The following PKLR variants were observed in gnomAD, a reference collection of about 807,000 sequenced individuals.
PKLR encodes pyruvate kinase L/R.
PKLR carries 38 observed loss-of-function variants against 53.6 expected under a neutral mutation model. That is an observed-to-expected ratio of 0.71 (90% confidence interval 0.55 to 0.93). The LOEUF (loss-of-function observed/expected upper bound fraction) is 0.93. PKLR is among the 40% of genes least tolerant of loss of function. The pLI, the probability that PKLR is intolerant of heterozygous loss-of-function variation, is 0.00. For synonymous variants in PKLR, 328 were observed against 316.2 expected (o/e 1.04, Z -0.39); for missense variants, 702 against 787.3 (o/e 0.89, Z 1.30).
chr1:155,308,266 A>C, the PKLR span, among the ~76,000 whole-genome samples: 1 of 150,276 alleles, frequency 6.7e-6, no homozygotes, highest in African/African-American at 2.5e-5. Context: ...ACGGGGTTTC[A>C]CCACATTGGT....
At chr1:155,296,504 G>A (rs571929188) in intron 2 of PKLR, among the ~76,000 whole-genome samples, 1 of 151,982 alleles carries the variant, frequency 6.6e-6, no homozygotes, top group East Asian at 1.9e-4. Context: ...CACCACGCCT[G>A]GCTAATTTTT....
At chr1:155,301,076 G>T in intron 1 of PKLR, 2 of 1,510,232 alleles carry the variant, frequency 1.3e-6, no homozygotes, top group Non-Finnish European at 1.8e-6. Context: ...GGAGTGCCCC[G>T]TGGCTTACAT....
rs1647305807 is a variant in PKLR at position 155,293,085 on chromosome 1, C to T, written c.1436+92G>A. 1.5e-6 allele frequency: 2 copies of T among 1,322,866 alleles called. No homozygotes were observed. The highest frequency in any genetic ancestry group is 1.1e-6 in the Non-Finnish European group (1 of 915,174). The allele number at this position is 1,322,866 out of a possible 1,614,324, so 81.9% of individuals were successfully genotyped here. ...CTTGTCTCAGGTGGACACTCTTCAC[C>T]CCTGGTGACCAGACTAAACCCAAGC... On this transcript the variant is annotated intron_variant, in intron 9 of 10. Transcript: ENST00000342741. This position sits in a 1 kb window ranked among gnomAD's most constrained non-coding sequence, Gnocchi z 4.2.
In PKLR at chr1:155,293,131, C is replaced by G. The variant is rs373417890; in HGVS notation, c.1436+46G>C. The G allele has an allele frequency of 6.3e-7, 1 of 1,577,456 alleles. No homozygotes were observed. Among genetic ancestry groups the G allele is most frequent in the Non-Finnish European group, 8.7e-7 (1 of 1,146,818 alleles). On this transcript the variant is annotated intron_variant, in intron 9 of 10. Transcript: ENST00000342741. This position sits in a 1 kb window ranked among gnomAD's most constrained non-coding sequence, Gnocchi z 4.2. ...CAAGCCTGGGGCCCGTCCCAGCCCA[C>G]CCCTGACCCAAAGCTCCATCTGGAC...
chr1:155,307,784 C>G, the PKLR span, among the ~76,000 whole-genome samples: 3 of 152,148 alleles, frequency 2.0e-5, no homozygotes, highest in African/African-American at 7.2e-5. Flanking sequence ...CGAGACCAGG[C>G]TGGCCAATCT....
the PKLR span, chr1:155,308,515 TA>T: frequency 1.0e-6 from 1 of 974,834 alleles, no homozygotes; most frequent in Non-Finnish European, 1.2e-6. Flanking sequence ...GTTAGAGAAC[TA>T]ATAAGTGAGA....
chr1:155,308,623 C>A, the PKLR span: 8 of 985,292 alleles, frequency 8.1e-6, no homozygotes, highest in African/African-American at 1.4e-4. Flanking sequence ...ACAGCGGGGA[C>A]GTTCCCAGCC....
In PKLR at chr1:155,290,668, A is replaced by T. The variant is rs766970429; in HGVS notation, c.1629T>A (p.Arg543=). 1.2e-6 allele frequency: 2 copies of T among 1,609,612 alleles called. No homozygotes were observed. The highest frequency in any genetic ancestry group is 1.7e-6 in the Non-Finnish European group (2 of 1,176,016). Residue 543 remains arginine (R), a synonymous_variant, in exon 11 of 11, where the codon CGT becomes CGA. Coordinates refer to ENST00000342741, the MANE Select transcript of PKLR (RefSeq NM_000298.6). Reference sequence around the variant, plus strand: ...CCAGGTCTCCAACACGGAGGAAGCCACGGAGCTTTCCTGGGGGAGGGAAAG... The same window carrying T: ...CCAGGTCTCCAACACGGAGGAAGCCTCGGAGCTTTCCTGGGGGAGGGAAAG... ...VQFGIESGKL[R]GFLRVGDLVI...
chr1:155,300,958 A>G lies in PKLR; in HGVS notation c.100+338T>C, dbSNP rs757391113. 10 of 1,580,884 alleles carry G rather than the reference A, an allele frequency of 6.3e-6. No individual in the cohort carries two copies. The East Asian group carries it at 1.6e-4, about 26-fold the overall frequency. On this transcript the variant is annotated intron_variant, in intron 1 of 10. Transcript: ENST00000342741. Reference sequence around the variant, plus strand: ...ACACTGTTGGGTTGTCAGAGGCATGAGGCCCAGCTGGGCTGGGGATCAGTT... The same window carrying G: ...ACACTGTTGGGTTGTCAGAGGCATGGGGCCCAGCTGGGCTGGGGATCAGTT...
intron 2 of PKLR, among the ~76,000 whole-genome samples, chr1:155,296,565 G>A (rs543055324): frequency 9.9e-5 from 15 of 152,086 alleles, no homozygotes; most frequent in Middle Eastern, 3.4e-3. Context: ...GGTTGGTCTT[G>A]AACTCTTGAC....
intron 2 of PKLR, among the ~76,000 whole-genome samples, chr1:155,297,878 ATGGCTAATT>A (rs1422216575): frequency 1.3e-5 from 2 of 152,166 alleles, no homozygotes; most frequent in East Asian, 3.9e-4. Flanking sequence ...AGGTCTCTGC[ATGGCTAATT>A]CTCTCATCTC....
chr1:155,295,236 G>T lies in PKLR; in HGVS notation c.574C>A (p.Arg192=). The T allele has an allele frequency of 6.2e-7, 1 of 1,613,974 alleles. No individual in the cohort carries two copies. Among genetic ancestry groups the T allele is most frequent in the Non-Finnish European group, 8.5e-7 (1 of 1,179,914 alleles). The part of the protein sequence containing the change: ...QVLVTVDPAF[R]TRGNANTVWV... Reference sequence around the variant, plus strand: ...ACGGTGTTCGCGTTCCCCCGCGTCCGGAACGCGGGGTCCACAGTCACCAGC... The same window carrying T: ...ACGGTGTTCGCGTTCCCCCGCGTCCTGAACGCGGGGTCCACAGTCACCAGC... The change falls in exon 5 of 11, where the codon CGG becomes AGG. Residue 192 remains arginine (R), a synonymous_variant. Coordinates refer to ENST00000342741, the MANE Select transcript of PKLR (RefSeq NM_000298.6). This position sits in a 1 kb window ranked among gnomAD's most constrained non-coding sequence, Gnocchi z 4.3.
upstream of PKLR, among the ~76,000 whole-genome samples, chr1:155,303,876 A>G (rs1261920111): frequency 6.6e-6 from 1 of 152,094 alleles, no homozygotes; most frequent in East Asian, 1.9e-4. Context: ...GAAGGATGAG[A>G]AGGAACCGGT....
upstream of PKLR, among the ~76,000 whole-genome samples, chr1:155,304,765 T>A (rs1015864756): frequency 2.6e-5 from 4 of 152,224 alleles, no homozygotes; most frequent in African/African-American, 9.6e-5. Context: ...AGAAGCCAGT[T>A]AATCATTAAA....
upstream of PKLR, among the ~76,000 whole-genome samples, chr1:155,305,612 G>A (rs1193066316): frequency 6.6e-6 from 1 of 152,074 alleles, no homozygotes; most frequent in African/African-American, 2.4e-5. Flanking sequence ...GCAGAGACAT[G>A]GGACTTTAAG....
upstream of PKLR, chr1:155,301,551 C>A: frequency 1.2e-6 from 1 of 839,254 alleles, no homozygotes; most frequent in Non-Finnish European, 1.9e-6. Flanking sequence ...ACGGCCTGCT[C>A]TCTGCCCTCA....
chr1:155,299,981 TG>T, intron 2 of PKLR, 116 bp downstream of exon 2: 1 of 1,100,422 alleles, frequency 9.1e-7, no homozygotes, highest in Non-Finnish European at 1.4e-6. Flanking sequence ...AACAAATTTT[TG>T]TTAAATGAAT....
Position 155,293,393 on chromosome 1 carries a change from G to A in PKLR, c.1269+45C>T. The A allele has an allele frequency of 6.2e-7, 1 of 1,614,212 alleles. No homozygotes were observed. The highest frequency in any genetic ancestry group is 8.5e-7 in the Non-Finnish European group (1 of 1,180,040). On this transcript the variant is annotated intron_variant, in intron 8 of 10. Coordinates refer to ENST00000342741, the MANE Select transcript of PKLR (RefSeq NM_000298.6). This position sits in a 1 kb window ranked among gnomAD's most constrained non-coding sequence, Gnocchi z 4.2. Reference sequence around the variant, plus strand: ...GGGAAGGGGCACTGGGGTATGGAAGGGATTTGGTTCCCTGGCCCATTTGCT... The same window carrying A: ...GGGAAGGGGCACTGGGGTATGGAAGAGATTTGGTTCCCTGGCCCATTTGCT...
chr1:155,291,851 A>T lies in PKLR; in HGVS notation c.1523T>A (p.Leu508Ter). Residue 508 changes from leucine to a stop codon, truncating the protein, a stop_gained, in exon 10 of 11, where the codon TTA becomes TAA. Coordinates refer to ENST00000342741, the MANE Select transcript of PKLR (RefSeq NM_000298.6). LOFTEE classifies it high-confidence loss of function. ...RSAQAARQVH[L>*]CRGVFPLLYR... The stretch of plus-strand genomic sequence containing the variant: ...AAGCAAGGGGAAGACTCCTCGGCAT[A>T]AGTGGACCTGGCGGGCAGCCTGGGC... 6.2e-7 allele frequency: 1 copy of T among 1,614,128 alleles called. No individual in the cohort carries two copies. The highest frequency in any genetic ancestry group is 8.5e-7 in the Non-Finnish European group (1 of 1,179,992).
Sources: allele counts gnomAD v4.1 joint callset (sites outside exome capture counted in the v4.1 genomes callset), GRCh38; gene constraint gnomAD v4.1.1; non-coding constraint Gnocchi (gnomAD v3.1); transcripts MANE v1.5; gene names NCBI Gene and HGNC (gene_info 2026-07-23, HGNC 2026-07-21).